The following ROCK1 variants were observed in gnomAD, a reference collection of about 807,000 sequenced individuals.
ROCK1 encodes the protein Rho associated coiled-coil containing protein kinase 1.
A neutral mutation model predicts 196.8 loss-of-function variants in ROCK1; 36 were observed. The ratio of observed to expected loss-of-function variants is 0.18; its 90% CI spans 0.14 to 0.24. ROCK1 has a LOEUF of 0.24. Among genes scored for constraint, ROCK1 ranks in the 10% least tolerant of loss-of-function variants. ROCK1 has a pLI of 1.00. For synonymous variants in ROCK1, 443 were observed against 515.9 expected, an observed-to-expected ratio of 0.86 and a Z score of 1.91; for missense variants, 920 against 1,562.0, an observed-to-expected ratio of 0.59 and a Z score of 6.93.
intron 22 of ROCK1, among the ~76,000 whole-genome samples, chr18:20,971,573 T>C (rs887780481): frequency 3.1e-4 from 47 of 151,546 alleles, no homozygotes; most frequent in Middle Eastern, 3.4e-3. Flanking sequence ...CCATCTCTAC[T>C]AAAAATACAA....
intron 13 of ROCK1, among the ~76,000 whole-genome samples, chr18:21,011,809 A>G (rs1035059785): frequency 2.0e-5 from 3 of 152,200 alleles, no homozygotes; most frequent in Non-Finnish European, 4.4e-5. Context: ...AATGTCTAAA[A>G]TATTTTTTCT....
At chr18:21,067,887 T>C (rs915586978) in intron 2 of ROCK1, among the ~76,000 whole-genome samples, 10 of 152,200 alleles carry the variant, frequency 6.6e-5, no homozygotes, top group African/African-American at 2.2e-4. Flanking sequence ...CGGTTAATTT[T>C]TGTACATGAT....
intron 16 of ROCK1, among the ~76,000 whole-genome samples, chr18:20,996,584 G>T (rs1468784664): frequency 6.6e-6 from 1 of 152,080 alleles, no homozygotes; most frequent in Admixed American, 6.5e-5. Flanking sequence ...GGGTTCAGAG[G>T]TCTGACTCAG....
chr18:21,052,338 T>C (rs1432407731), intron 2 of ROCK1, among the ~76,000 whole-genome samples: 2 of 152,210 alleles, frequency 1.3e-5, no homozygotes, highest in East Asian at 3.8e-4. Flanking sequence ...CATTGGACTT[T>C]AGTTTCCCAA....
In ROCK1 at chr18:20,976,523, G is replaced by T. The variant is rs145045801; in HGVS notation, c.2654+3387C>A. Among the ~76,000 whole-genome samples, 218 of 152,272 alleles carry T rather than the reference G, an allele frequency of 1.4e-3. 1 individual carries two copies. Among genetic ancestry groups the T allele is most frequent in the African/African-American group, 5.1e-3 (210 of 41,538 alleles). On this transcript the variant is annotated intron_variant, in intron 22 of 32. Transcript: ENST00000399799. The stretch of plus-strand genomic sequence containing the variant: ...GGTAACAAATGGCTGGAACTGAGAA[G>T]GCGAGATCTTCAGTTTGTTACAATC...
In ROCK1 at chr18:21,070,577, G is replaced by GA; in HGVS notation, c.129dup (p.Pro44SerfsTer10). Reference sequence around the variant, plus strand: ...ATATTTTTGTTTTTTCTTAAGGCAGGAAAATCCAAATCATATACCAAAGCA... The same window carrying GA: ...ATATTTTTGTTTTTTCTTAAGGCAGGAAAAATCCAAATCATATACCAAAGCA... On this transcript the variant is annotated frameshift_variant, in exon 2 of 33. Coordinates refer to ENST00000399799, the MANE Select transcript of ROCK1 (RefSeq NM_005406.3). LOFTEE classifies it high-confidence loss of function. 6.2e-7 allele frequency: 1 copy of GA among 1,605,692 alleles called. No homozygotes were observed. The highest frequency in any genetic ancestry group is 1.3e-5 in the African/African-American group (1 of 74,784).
chr18:21,110,065 G>GTA (rs1199742887), intron 1 of ROCK1, among the ~76,000 whole-genome samples: 18 of 151,978 alleles, frequency 1.2e-4, no homozygotes, highest in Admixed American at 1.1e-3. Flanking sequence ...ACAGATAACT[G>GTA]TATTATCAAC....
At chr18:21,027,103 T>A (rs1303858073) in intron 10 of ROCK1, among the ~76,000 whole-genome samples, 1 of 152,062 alleles carries the variant, frequency 6.6e-6, no homozygotes, top group East Asian at 1.9e-4. Flanking sequence ...GACACCTGGC[T>A]AATTTTTGTA....
intron 1 of ROCK1, among the ~76,000 whole-genome samples, chr18:21,100,319 AAG>A (rs2036648129): frequency 6.6e-6 from 1 of 152,026 alleles, no homozygotes; most frequent in African/African-American, 2.4e-5. Context: ...ACCAAAAGGA[AAG>A]AGTTTCCTGG....
At chr18:20,996,492 G>A (rs1393953490) in intron 16 of ROCK1, among the ~76,000 whole-genome samples, 1 of 152,130 alleles carries the variant, frequency 6.6e-6, no homozygotes, top group African/African-American at 2.4e-5. Flanking sequence ...GATAGGGGTA[G>A]AAAGTTTACT....
intron 5 of ROCK1, 141 bp downstream of exon 5, chr18:21,045,151 G>T: frequency 1.5e-6 from 1 of 674,324 alleles, no homozygotes; most frequent in South Asian, 2.5e-5. Context: ...GTGAGGCAGC[G>T]CCTGGCCAGA....
chr18:21,029,051 T>C, intron 9 of ROCK1, 116 bp from the exon 10 acceptor site: 1 of 954,710 alleles, frequency 1.0e-6, no homozygotes, highest in Admixed American at 2.6e-5. Context: ...AAACCACAAA[T>C]TCCACCTGGC....
At chr18:21,003,587 T>C (rs1480901029) in intron 16 of ROCK1, among the ~76,000 whole-genome samples, 1 of 152,176 alleles carries the variant, frequency 6.6e-6, no homozygotes, top group East Asian at 1.9e-4. Context: ...ATGTGGTGCC[T>C]GATATGAGCT....
chr18:21,034,695 A>G (rs2036041843), intron 9 of ROCK1, among the ~76,000 whole-genome samples: 1 of 152,218 alleles, frequency 6.6e-6, no homozygotes, highest in African/African-American at 2.4e-5. Flanking sequence ...TAAAATTCAA[A>G]GAAAACATAG....
At chr18:21,046,382 A>G (rs2036159243) in intron 4 of ROCK1, among the ~76,000 whole-genome samples, 1 of 152,238 alleles carries the variant, frequency 6.6e-6, no homozygotes, top group South Asian at 2.1e-4. Flanking sequence ...ATAAAGGCTT[A>G]ATGAACCAAA....
intron 1 of ROCK1, among the ~76,000 whole-genome samples, chr18:21,105,494 T>C (rs1444968554): frequency 6.6e-6 from 1 of 152,146 alleles, no homozygotes; most frequent in Non-Finnish European, 1.5e-5. Context: ...AAGAGTAATA[T>C]ACCCCCAAAA....
At chr18:21,014,788 A>G (rs1478239423) in intron 13 of ROCK1, among the ~76,000 whole-genome samples, 3 of 152,226 alleles carry the variant, frequency 2.0e-5, no homozygotes, top group Non-Finnish European at 4.4e-5. Context: ...TAAACCTAAA[A>G]AAGGACAAAG....
At chr18:21,050,880 T>C (rs559048994) in intron 2 of ROCK1, among the ~76,000 whole-genome samples, 3 of 152,306 alleles carry the variant, frequency 2.0e-5, no homozygotes, top group Admixed American at 6.5e-5. Context: ...CTATCTACCA[T>C]ACATCAGGCT....
intron 1 of ROCK1, among the ~76,000 whole-genome samples, chr18:21,106,708 G>T (rs2036706233): frequency 6.6e-6 from 1 of 152,176 alleles, no homozygotes; most frequent in African/African-American, 2.4e-5. Context: ...CTGACCTACA[G>T]AAAACCAAAG....
Sources: allele counts gnomAD v4.1 joint callset (sites outside exome capture counted in the v4.1 genomes callset), GRCh38; gene constraint gnomAD v4.1.1; transcripts MANE v1.5; gene names NCBI Gene and HGNC (gene_info 2026-07-23, HGNC 2026-07-21).